Variants in SLC26A7 observed in about 807,000 individuals in gnomAD.
SLC26A7 encodes the protein solute carrier family 26 member 7, also known as anion exchange transporter.
In SLC26A7, 59 loss-of-function variants were observed where a neutral mutation model predicts 82.5. The observed-to-expected ratio is 0.72, with a 90% CI of 0.58 to 0.89. SLC26A7 has a LOEUF of 0.89. SLC26A7 is among the 40% of genes least tolerant of loss of function. The pLI is 0.00. For synonymous variants in SLC26A7, 271 were observed against 274.3 expected (o/e 0.99, Z 0.12); for missense variants, 820 against 793.0 (o/e 1.03, Z -0.41).
intron 10 of SLC26A7, among the ~76,000 whole-genome samples, chr8:91,352,166 A>G (rs1813734978): frequency 6.6e-6 from 1 of 152,118 alleles, no homozygotes; most frequent in Admixed American, 6.6e-5. Context: ...GGAACTAGGC[A>G]TATTCTGTTA....
intron 15 of SLC26A7, among the ~76,000 whole-genome samples, chr8:91,385,508 A>T (rs951273653): frequency 6.6e-6 from 1 of 152,218 alleles, no homozygotes; most frequent in Non-Finnish European, 1.5e-5. Context: ...AAAATCATGA[A>T]TTGCCTCTCT....
upstream of SLC26A7, among the ~76,000 whole-genome samples, chr8:91,247,221 C>A (rs1388190887): frequency 6.6e-6 from 1 of 152,144 alleles, no homozygotes; most frequent in Admixed American, 6.5e-5. Context: ...TAGAAGATAA[C>A]AATTTCATCT....
intron 5 of SLC26A7, among the ~76,000 whole-genome samples, chr8:91,318,866 G>A (rs970133577): frequency 6.6e-6 from 1 of 152,154 alleles, no homozygotes; most frequent in South Asian, 2.1e-4. Flanking sequence ...CTGGCCATTT[G>A]CAACATATTT....
At chr8:91,355,997 C>T (rs912048267) in intron 11 of SLC26A7, among the ~76,000 whole-genome samples, 13 of 151,974 alleles carry the variant, frequency 8.6e-5, no homozygotes, top group African/African-American at 2.2e-4. Context: ...TTTGTCCTTG[C>T]GATAGTTTGC....
intron 2 of SLC26A7, among the ~76,000 whole-genome samples, chr8:91,234,827 A>ACCTACCTCCTTCCTTC (rs1386380375): frequency 4.3e-5 from 4 of 92,544 alleles, no homozygotes; most frequent in East Asian, 3.5e-4. Flanking sequence ...CTACCTACCT[A>ACCTACCTCCTTCCTTC]CTTCCTTCCT....
At chr8:91,310,155 G>A (rs553086034) in intron 4 of SLC26A7, among the ~76,000 whole-genome samples, 29 of 152,142 alleles carry the variant, frequency 1.9e-4, no homozygotes, top group Admixed American at 2.6e-4. Flanking sequence ...CTTGATGGTC[G>A]CCTGACATTC....
intron 2 of SLC26A7, among the ~76,000 whole-genome samples, chr8:91,234,234 G>A (rs1353632872): frequency 6.6e-6 from 1 of 152,064 alleles, no homozygotes; most frequent in Non-Finnish European, 1.5e-5. Context: ...GAGCTCACGA[G>A]TTCTATAACT....
At chr8:91,330,864 T>C (rs1488388422) in intron 5 of SLC26A7, among the ~76,000 whole-genome samples, 1 of 152,120 alleles carries the variant, frequency 6.6e-6, no homozygotes, top group East Asian at 1.9e-4. Context: ...AAATTAGCTT[T>C]CTAGGGCTTT....
intron 7 of SLC26A7, 57 bp from the exon 8 acceptor site, chr8:91,340,347 G>C: frequency 6.3e-7 from 1 of 1,582,578 alleles, no homozygotes; most frequent in South Asian, 1.1e-5. Flanking sequence ...TTCATTGCAA[G>C]TTGTTACAGA....
At chr8:91,234,493 A>G (rs1321421514) in intron 2 of SLC26A7, among the ~76,000 whole-genome samples, 3 of 149,384 alleles carry the variant, frequency 2.0e-5, no homozygotes, top group Admixed American at 2.0e-4. Context: ...TTTTTTTTTT[A>G]ATAGAAGTGG....
At chr8:91,339,376 C>T (rs917471953) in intron 7 of SLC26A7, among the ~76,000 whole-genome samples, 4 of 152,090 alleles carry the variant, frequency 2.6e-5, no homozygotes, top group African/African-American at 9.7e-5. Context: ...ATAACAAGAA[C>T]ATGGCTTTGA....
At chr8:91,219,950 G>A (rs935215537) in intron 2 of SLC26A7, among the ~76,000 whole-genome samples, 2 of 152,138 alleles carry the variant, frequency 1.3e-5, no homozygotes, top group African/African-American at 2.4e-5. Flanking sequence ...TTGTCACTAC[G>A]TATGGTCCTT....
intron 2 of SLC26A7, among the ~76,000 whole-genome samples, chr8:91,280,891 A>G (rs559904983): frequency 2.0e-5 from 3 of 152,332 alleles, no homozygotes; most frequent in African/African-American, 7.2e-5. Flanking sequence ...CTGTTTATAT[A>G]TGATGAGCTA....
intron 6 of SLC26A7, 70 bp downstream of exon 6, chr8:91,334,517 G>A: frequency 1.2e-5 from 17 of 1,410,834 alleles, no homozygotes; most frequent in Middle Eastern, 2.5e-4. Flanking sequence ...ATCTGCAGAT[G>A]CTTACTATAT....
chr8:91,279,125 G>GTGTGTA lies in SLC26A7; in HGVS notation c.194-10010_194-10009insGTGTAT, dbSNP rs1382744780. Among the ~76,000 whole-genome samples, 247 of 111,244 alleles carry GTGTGTA rather than the reference G, an allele frequency of 2.2e-3. 2 individuals are homozygous for GTGTGTA. Among genetic ancestry groups the GTGTGTA allele is most frequent in the African/African-American group, 3.5e-3 (99 of 28,282 alleles). 73.0% of individuals were successfully genotyped at this position (111,244 alleles called of 152,430 possible). On this transcript the variant is annotated intron_variant, in intron 2 of 18. Coordinates refer to ENST00000276609, the MANE Select transcript of SLC26A7 (RefSeq NM_052832.4). ...TATTTCATAGTATGTGTGTGTGTGT[G>GTGTGTA]TATATATATATATATATATATATAT...
intron 11 of SLC26A7, among the ~76,000 whole-genome samples, chr8:91,356,637 T>C (rs1039627743): frequency 4.6e-5 from 7 of 152,234 alleles, no homozygotes; most frequent in Non-Finnish European, 8.8e-5. Context: ...TAGCCCTTTG[T>C]CAGATGAGTA....
chr8:91,306,271 C>T (rs1451363396), intron 4 of SLC26A7, among the ~76,000 whole-genome samples: 2 of 152,168 alleles, frequency 1.3e-5, no homozygotes, highest in Non-Finnish European at 2.9e-5. Context: ...AATCCAGTGG[C>T]ACATGTTCTA....
intron 2 of SLC26A7, among the ~76,000 whole-genome samples, chr8:91,252,882 C>T (rs549477214): frequency 6.6e-6 from 1 of 152,150 alleles, no homozygotes; most frequent in African/African-American, 2.4e-5. Flanking sequence ...TATATGCTGG[C>T]AGGTATTAAT....
chr8:91,220,572 A>G (rs144405903), intron 2 of SLC26A7, among the ~76,000 whole-genome samples: 5,592 of 151,536 alleles, frequency 0.037, 131 homozygotes, highest in African/African-American at 0.055. Context: ...TCAACGTTCA[A>G]CTCCCACTTA....
Sources: allele counts gnomAD v4.1 joint callset (sites outside exome capture counted in the v4.1 genomes callset), GRCh38; gene constraint gnomAD v4.1.1; transcripts MANE v1.5; gene names NCBI Gene and HGNC (gene_info 2026-07-23, HGNC 2026-07-21).